Variants in RUNX1 observed in about 807,000 individuals in gnomAD.
RUNX1 encodes the protein RUNX family transcription factor 1, also known as runt-related transcription factor 1.
A neutral mutation model predicts 42.8 loss-of-function variants in RUNX1; 19 were observed. That is an observed-to-expected ratio of 0.44 (90% CI 0.31 to 0.65). The LOEUF is 0.65. Ranked by LOEUF, RUNX1 falls within the 30% of genes least tolerant of loss-of-function variation. The pLI is 0.07. For missense variants in RUNX1, 528 were observed against 672.0 expected, an observed-to-expected ratio of 0.79 and a Z score of 2.37; for synonymous variants, 271 against 289.4, an observed-to-expected ratio of 0.94 and a Z score of 0.64.
chr21:34,839,382 T>C lies in RUNX1; in HGVS notation c.614-4781A>G, dbSNP rs553161766. ...ACACACTCGGGATGTACACTCAGTG[T>C]GCCTAGAAATTCAACACCCACCGAC... On this transcript the variant is annotated intron_variant, in intron 6 of 8. Coordinates refer to ENST00000675419, the MANE Select transcript of RUNX1 (RefSeq NM_001754.5). Among the ~76,000 whole-genome samples the C allele has an allele frequency of 1.2e-4, 18 of 148,622 alleles. No homozygotes were observed. In the East Asian group the frequency reaches 3.1e-3, roughly 26 times the overall value.
At chr21:34,851,810 C>T (rs1044412142) in intron 6 of RUNX1, among the ~76,000 whole-genome samples, 26 of 152,332 alleles carry the variant, frequency 1.7e-4, no homozygotes, top group Admixed American at 3.9e-4. Context: ...TGGGTTTTCA[C>T]ATTACCTGGA....
At chr21:35,011,081 T>G (rs1287480829) in intron 2 of RUNX1, among the ~76,000 whole-genome samples, 1 of 152,194 alleles carries the variant, frequency 6.6e-6, no homozygotes, top group South Asian at 2.1e-4. Flanking sequence ...GTCGATTTGC[T>G]AGTAGGTTGG....
intron 2 of RUNX1, among the ~76,000 whole-genome samples, chr21:35,007,903 C>T (rs1179941759): frequency 1.3e-5 from 2 of 152,130 alleles, no homozygotes; most frequent in Non-Finnish European, 2.9e-5. Context: ...GGTACCCAAG[C>T]TCTTCAGCCT....
intron 2 of RUNX1, among the ~76,000 whole-genome samples, chr21:34,918,005 T>C (rs1250298441): frequency 1.3e-5 from 2 of 151,560 alleles, no homozygotes; most frequent in Non-Finnish European, 2.9e-5. Flanking sequence ...GGTGGGTGCC[T>C]GTAGTACCAG....
At chr21:34,943,055 A>T (rs965448549) in intron 2 of RUNX1, among the ~76,000 whole-genome samples, 2 of 152,198 alleles carry the variant, frequency 1.3e-5, no homozygotes, top group South Asian at 4.1e-4. Flanking sequence ...CACGCGGTCA[A>T]TCTCTGAGCA....
Position 34,825,153 on chromosome 21 carries a change from A to G in RUNX1, c.805+9257T>C, listed in dbSNP as rs111694596. ...CTTTTTTAAAAGGCAGCTTGCTTCAAAACAACAGTGACATGCCTGGCTTTG... is the reference window on the plus strand; with the variant it reads ...CTTTTTTAAAAGGCAGCTTGCTTCAGAACAACAGTGACATGCCTGGCTTTG... On this transcript the variant is annotated intron_variant, in intron 7 of 8. Transcript: ENST00000675419. 1.3e-3 allele frequency among the ~76,000 whole-genome samples: 196 copies of G among 152,328 alleles called. 2 individuals carry two copies. The highest frequency in any genetic ancestry group is 4.6e-3 in the African/African-American group (190 of 41,570).
rs114688760 is a variant in RUNX1, at chr21:34,875,436, C to T, written c.508+5121G>A. 8.1e-3 allele frequency among the ~76,000 whole-genome samples: 1,237 copies of T among 152,144 alleles called. 20 individuals are homozygous for T. Among genetic ancestry groups the T allele is most frequent in the African/African-American group, 0.028 (1,181 of 41,486 alleles). ...GTCTTTATTCATCTATATTTGCTTGCAATGAGATCTGAATACAGATTTCAG... is the reference window on the plus strand; with the variant it reads ...GTCTTTATTCATCTATATTTGCTTGTAATGAGATCTGAATACAGATTTCAG... On this transcript the variant is annotated intron_variant, in intron 5 of 8. Coordinates refer to ENST00000675419, the MANE Select transcript of RUNX1 (RefSeq NM_001754.5).
At chr21:35,047,074 G>A (rs985486342) in intron 2 of RUNX1, among the ~76,000 whole-genome samples, 3 of 152,096 alleles carry the variant, frequency 2.0e-5, no homozygotes, top group African/African-American at 7.2e-5. Context: ...AGTAAGGAGA[G>A]CCCCAGGGGC....
chr21:34,820,026 C>A (rs1308494369), intron 7 of RUNX1, among the ~76,000 whole-genome samples: 1 of 152,248 alleles, frequency 6.6e-6, no homozygotes, highest in Non-Finnish European at 1.5e-5. Flanking sequence ...ACCAAAGAGG[C>A]TGACCATTCA....
chr21:34,828,023 G>A (rs2057013130), intron 7 of RUNX1, among the ~76,000 whole-genome samples: 1 of 152,216 alleles, frequency 6.6e-6, no homozygotes, highest in Admixed American at 6.5e-5. Context: ...GGCTATCCCT[G>A]AGAACCCAGA....
At chr21:34,881,113 G>T (rs1056240863) in intron 4 of RUNX1, among the ~76,000 whole-genome samples, 12 of 152,152 alleles carry the variant, frequency 7.9e-5, no homozygotes, top group African/African-American at 2.4e-4. Flanking sequence ...AGGATTTTGA[G>T]TAGCTATGCC....
intron 2 of RUNX1, among the ~76,000 whole-genome samples, chr21:34,949,129 G>T (rs1421470403): frequency 6.6e-6 from 1 of 152,150 alleles, no homozygotes; most frequent in African/African-American, 2.4e-5. Flanking sequence ...CAGCTACACT[G>T]CCTGGAGATT....
At chr21:34,935,717 C>G (rs947491499) in intron 2 of RUNX1, among the ~76,000 whole-genome samples, 2 of 151,964 alleles carry the variant, frequency 1.3e-5, no homozygotes, top group South Asian at 2.1e-4. Flanking sequence ...TAACCCCTAC[C>G]TATTAGATGC....
At chr21:35,022,537 G>A (rs1302661100) in intron 2 of RUNX1, among the ~76,000 whole-genome samples, 3 of 152,188 alleles carry the variant, frequency 2.0e-5, no homozygotes, top group Middle Eastern at 6.3e-3. Flanking sequence ...CTCTATGTTA[G>A]AGCATTTCCA....
At chr21:35,032,757 T>C (rs963671693) in intron 2 of RUNX1, among the ~76,000 whole-genome samples, 40 of 152,246 alleles carry the variant, frequency 2.6e-4, no homozygotes, top group African/African-American at 9.2e-4. Context: ...TCTGCTCTAA[T>C]ATTCCCACAT....
At chr21:34,863,660 T>C (rs1222186255) in intron 5 of RUNX1, among the ~76,000 whole-genome samples, 2 of 150,318 alleles carry the variant, frequency 1.3e-5, no homozygotes, top group East Asian at 2.0e-4. Context: ...GTTCAAGCGA[T>C]TCTCCTGCCT....
chr21:35,049,264 A>G lies in RUNX1; in HGVS notation c.-156T>C. The G allele has an allele frequency of 3.8e-6, 1 of 261,348 alleles. No individual in the cohort carries two copies. The highest frequency in any genetic ancestry group is 7.6e-6 in the Non-Finnish European group (1 of 132,226). The allele number at this position is 261,348 out of a possible 1,614,324, so 16.2% of individuals were successfully genotyped here. ...ACTTCTGACACTGCCAGGCTACCCA[A>G]CTTGTGGTTCTGTGGTTGTTTATGA... On this transcript the variant is annotated 5_prime_UTR_variant, in exon 1 of 9. Coordinates refer to ENST00000675419, the MANE Select transcript of RUNX1 (RefSeq NM_001754.5).
chr21:35,008,086 T>C (rs1601666030), intron 2 of RUNX1, among the ~76,000 whole-genome samples: 1 of 152,234 alleles, frequency 6.6e-6, no homozygotes, highest in East Asian at 1.9e-4. Flanking sequence ...TGGTGCTCCT[T>C]GGCACCAATG....
At chr21:34,813,030 G>A (rs1303214017) in intron 7 of RUNX1, among the ~76,000 whole-genome samples, 1 of 152,154 alleles carries the variant, frequency 6.6e-6, no homozygotes, top group South Asian at 2.1e-4. Flanking sequence ...TTGAGATCCT[G>A]TGTATATTGA....
Sources: allele counts gnomAD v4.1 joint callset (sites outside exome capture counted in the v4.1 genomes callset), GRCh38; gene constraint gnomAD v4.1.1; transcripts MANE v1.5; gene names NCBI Gene and HGNC (gene_info 2026-07-23, HGNC 2026-07-21).